BAHCC1: variants seen among roughly 807,000 people sequenced by gnomAD.
BAHCC1 encodes the protein BAH domain and coiled-coil containing 1, also known as BAH and coiled-coil domain-containing protein 1.
A neutral mutation model predicts 88.2 loss-of-function variants in BAHCC1; 43 were observed. The ratio of observed to expected loss-of-function variants is 0.49; its 90% CI spans 0.38 to 0.63. The LOEUF (loss-of-function observed/expected upper bound fraction) is 0.63. Among genes scored for constraint, BAHCC1 ranks in the 20% least tolerant of loss-of-function variants. BAHCC1 has a pLI of 0.00. For synonymous variants in BAHCC1, 1,510 were observed against 745.5 expected, an observed-to-expected ratio of 2.03 and a Z score of -16.71; for missense variants, 3,023 against 1,654.8, an observed-to-expected ratio of 1.83 and a Z score of -14.34.
chr17:81,399,610 C>A lies in BAHCC1; in HGVS notation c.-130C>A. 1.8e-6 allele frequency: 1 copy of A among 558,774 alleles called. No individual in the cohort carries two copies. The highest frequency in any genetic ancestry group is 2.0e-5 in the South Asian group (1 of 50,488). 34.6% of individuals were successfully genotyped at this position (558,774 alleles called of 1,614,324 possible). On this transcript the variant is annotated 5_prime_UTR_variant, in exon 2 of 28. Coordinates refer to ENST00000675386, the MANE Select transcript of BAHCC1 (RefSeq NM_001377448.1). This position sits in a 1 kb window ranked among gnomAD's most constrained non-coding sequence, Gnocchi z 4.5. ...AAGCCCAGTCCTCCCGCGTGCTGAC[C>A]GGCCCCGCCGCCACCACCGCCTGTG...
chr17:81,402,674 T>A (rs1420514028), intron 2 of BAHCC1: 1 of 152,274 alleles, frequency 6.6e-6, no homozygotes, highest in African/African-American at 2.4e-5. Context: ...CTGGCCTCCA[T>A]GAGGCTGCCT....
At chr17:81,410,510 G>A (rs1037078448) in intron 2 of BAHCC1, among the ~76,000 whole-genome samples, 8 of 152,344 alleles carry the variant, frequency 5.3e-5, no homozygotes, top group Admixed American at 1.3e-4. Context: ...GAAGGTGGAC[G>A]CCCACCCTCC....
chr17:81,461,106 T>C lies in BAHCC1; in HGVS notation c.6443T>C (p.Ile2148Thr). The C allele has an allele frequency of 3.9e-6, 3 of 767,222 alleles. No homozygotes were observed. The highest frequency in any genetic ancestry group is 7.2e-6 in the Non-Finnish European group (3 of 416,858). The allele number at this position is 767,222 out of a possible 1,614,324, so 47.5% of individuals were successfully genotyped here. A position where few individuals can be genotyped will look rare whatever the true frequency, so the allele number is the denominator to read the frequency against. Residue 2148 changes from isoleucine (I) to threonine (T), a missense_variant, in exon 26 of 28, where the codon ATA becomes ACA. By Grantham distance (89) the Ile-to-Thr change is moderately conservative (BLOSUM62 -1). Transcript: ENST00000675386. Reference protein sequence around the residue: ...LFPVHSVATPIFGNGFRADSF... With the variant: ...LFPVHSVATPTFGNGFRADSF... ...CCCGTGCACAGCGTGGCCACACCCA[T>C]ATTTGGCAACGGCTTCCGCGCCGAC...
chr17:81,456,947 C>T (rs1555657460), intron 16 of BAHCC1, among the ~76,000 whole-genome samples: 1 of 9,532 alleles, frequency 1.0e-4, no homozygotes, highest in Non-Finnish European at 3.8e-4. Context: ...ATCTGACCAC[C>T]CCCCCCAGCA....
rs1555654849 is a variant in BAHCC1 at position 81,447,458 on chromosome 17, T to C, written c.3586T>C (p.Ser1196Pro). The change falls in exon 11 of 28, where the codon TCA becomes CCA. Residue 1196 changes from serine (S) to proline (P), a missense_variant. Ser to Pro is a moderately conservative substitution (Grantham distance 74). Transcript: ENST00000675386. ...GGAGGAGGGGGAGCAGGGGCCCTCG[T>C]CAGGGGCCTCCTCCCAAGTCCTGGA... is the stretch of plus-strand genomic sequence containing the variant. ...SREEGEQGPS[S>P]GASSQVLEQR... 1.1e-5 allele frequency: 8 copies of C among 741,116 alleles called. No individual in the cohort carries two copies. The highest frequency in any genetic ancestry group is 2.0e-5 in the Non-Finnish European group (8 of 398,774). 45.9% of individuals were successfully genotyped at this position (741,116 alleles called of 1,614,324 possible).
At chr17:81,415,055 CT>C (rs2064002458) in intron 2 of BAHCC1, among the ~76,000 whole-genome samples, 1 of 147,994 alleles carries the variant, frequency 6.8e-6, no homozygotes, top group South Asian at 2.1e-4. Flanking sequence ...CATTGGAGCT[CT>C]GCCCTTCCCG....
intron 11 of BAHCC1, among the ~76,000 whole-genome samples, chr17:81,450,368 G>A (rs1231609295): frequency 6.6e-6 from 1 of 152,102 alleles, no homozygotes; most frequent in Non-Finnish European, 1.5e-5. Flanking sequence ...TCCCCAACCT[G>A]GGCCCGACCC....
rs782276248 is a variant in BAHCC1 at position 81,447,005 on chromosome 17, G to A, written c.3164-31G>A. 7 of 777,380 alleles carry A rather than the reference G, an allele frequency of 9.0e-6. No individual in the cohort carries two copies. In the African/African-American group the frequency reaches 1.2e-4, roughly 13 times the overall value. 48.2% of individuals were successfully genotyped at this position (777,380 alleles called of 1,614,324 possible). ...GGACACCCCCTCACCACCACTCCCA[G>A]CTCCCTGCTGACCTGTCCCCTCCTT... is the stretch of plus-strand genomic sequence containing the variant. On this transcript the variant is annotated intron_variant, in intron 10 of 27. Transcript: ENST00000675386.
chr17:81,411,162 T>C lies in BAHCC1; in HGVS notation c.178+11245T>C, dbSNP rs2063945289. ...CATCACGTGCCTGCAGGTGCCTGTG[T>C]CCTGTCTCTGCCCCAGGCTGAGGCC... is the stretch of plus-strand genomic sequence containing the variant. On this transcript the variant is annotated intron_variant, in intron 2 of 27. Transcript: ENST00000675386. The surrounding 1 kb of genome is among the most constrained non-coding windows in gnomAD (Gnocchi z 6.2). The C allele has an allele frequency of 1.9e-6, 1 of 518,816 alleles. No individual in the cohort carries two copies. Among genetic ancestry groups the C allele is most frequent in the Non-Finnish European group, 3.8e-6 (1 of 259,758 alleles). The allele number at this position is 518,816 out of a possible 1,614,324, so 32.1% of individuals were successfully genotyped here. A position where few individuals can be genotyped will look rare whatever the true frequency, so the allele number is the denominator to read the frequency against.
In BAHCC1 at chr17:81,464,807, C is replaced by T. The variant is rs1555660342; in HGVS notation, c.*990C>T. ...GGCCTCCACCCAGAGCAGGGAGGGG[C>T]TGGCCCCTCGCCCCCCTCACCCTCG... On this transcript the variant is annotated 3_prime_UTR_variant, in exon 28 of 28. Coordinates refer to ENST00000675386, the MANE Select transcript of BAHCC1 (RefSeq NM_001377448.1). 1 of 152,498 alleles carries T rather than the reference C, an allele frequency of 6.6e-6. No homozygotes were observed. The highest frequency in any genetic ancestry group is 1.5e-5 in the Non-Finnish European group (1 of 68,068). The allele number at this position is 152,498 out of a possible 1,614,324, so 9.4% of individuals were successfully genotyped here.
chr17:81,460,793 G>A, intron 25 of BAHCC1, 73 bp from the exon 26 acceptor site: 2 of 772,108 alleles, frequency 2.6e-6, no homozygotes, highest in East Asian at 2.4e-5. Context: ...GGTAGGCAGG[G>A]TCCGGGGAGG....
chr17:81,411,025 G>A lies in BAHCC1; in HGVS notation c.178+11108G>A. 1 of 516,010 alleles carries A rather than the reference G, an allele frequency of 1.9e-6. No individual in the cohort carries two copies. Among genetic ancestry groups the A allele is most frequent in the Non-Finnish European group, 3.9e-6 (1 of 258,596 alleles). The allele number at this position is 516,010 out of a possible 1,614,324, so 32.0% of individuals were successfully genotyped here. On this transcript the variant is annotated intron_variant, in intron 2 of 27. Coordinates refer to ENST00000675386, the MANE Select transcript of BAHCC1 (RefSeq NM_001377448.1). This position sits in a 1 kb window ranked among gnomAD's most constrained non-coding sequence, Gnocchi z 6.2. ...CTGGGTCTTTGTTGTCCATATGTCTGTGTGAAGGCCTGGGGCCCCCGTGCG... is the reference window on the plus strand; with the variant it reads ...CTGGGTCTTTGTTGTCCATATGTCTATGTGAAGGCCTGGGGCCCCCGTGCG...
At position 81,419,912 on chromosome 17, in the gene BAHCC1, G is replaced by A. The variant is rs536229729; in HGVS notation, c.179-6888G>A. On this transcript the variant is annotated intron_variant, in intron 2 of 27. Coordinates refer to ENST00000675386, the MANE Select transcript of BAHCC1 (RefSeq NM_001377448.1). ...TGCCGGCTCCGCGCCCGCCTCTCCC[G>A]GCTCCCGGGCCCTGCCGTCCTCTTG... Among the ~76,000 whole-genome samples the A allele has an allele frequency of 2.2e-3, 332 of 151,182 alleles. 1 individual carries two copies. Among genetic ancestry groups the A allele is most frequent in the Middle Eastern group, 0.014 (4 of 292 alleles).
In BAHCC1 at chr17:81,458,162, C is replaced by T. The variant is rs1555657864; in HGVS notation, c.5042-3C>T. 5 of 717,262 alleles carry T rather than the reference C, an allele frequency of 7.0e-6. No individual in the cohort carries two copies. Among genetic ancestry groups the T allele is most frequent in the Admixed American group, 4.0e-5 (2 of 50,088 alleles). 44.4% of individuals were successfully genotyped at this position (717,262 alleles called of 1,614,324 possible). On this transcript the variant is annotated splice_polypyrimidine_tract_variant and splice_region_variant and intron_variant, in intron 17 of 27. Transcript: ENST00000675386. ...CTGTGACGGCCTCCTCTCCTTCCCACAGGGGCCTGCCGCCTGTCCAGCCCT... is the reference window on the plus strand; with the variant it reads ...CTGTGACGGCCTCCTCTCCTTCCCATAGGGGCCTGCCGCCTGTCCAGCCCT...
intron 3 of BAHCC1, among the ~76,000 whole-genome samples, chr17:81,429,561 C>T (rs941617009): frequency 6.4e-4 from 98 of 152,204 alleles, no homozygotes; most frequent in South Asian, 3.9e-3. Flanking sequence ...GCTCCCCGTG[C>T]GCCGGGCCTG....
rs540092359 is a variant in BAHCC1 at position 81,444,491 on chromosome 17, C to T, written c.2435C>T (p.Ala812Val). ...AGCGGCCAGCTGGGCGGGGACCCAG[C>T]CCCCCACACCCACCCCCATCCCCCC... ...MQSGQLGGDP[A>V]PHTHPHPPWL... is the part of the protein sequence containing the mutation. The change falls in exon 7 of 28, where the codon GCC (alanine) becomes GTC (valine). Residue 812 changes from alanine (A) to valine (V), a missense_variant. By Grantham distance (64) the Ala-to-Val change is moderately conservative. Coordinates refer to ENST00000675386, the MANE Select transcript of BAHCC1 (RefSeq NM_001377448.1). 6 of 706,016 alleles carry T rather than the reference C, an allele frequency of 8.5e-6. No individual in the cohort carries two copies. The highest frequency in any genetic ancestry group is 1.5e-5 in the South Asian group (1 of 66,790). 43.7% of individuals were successfully genotyped at this position (706,016 alleles called of 1,614,324 possible).
At chr17:81,432,666 A>C (rs2064277665) in intron 3 of BAHCC1, among the ~76,000 whole-genome samples, 2 of 14,106 alleles carry the variant, frequency 1.4e-4, no homozygotes, top group Non-Finnish European at 2.6e-4. Flanking sequence ...CCCAGACCCC[A>C]TCCCTCCCAT....
rs781993714 is a variant in BAHCC1 at position 81,458,434 on chromosome 17, C to T, written c.5311C>T (p.Arg1771Cys). The change falls in exon 18 of 28, where the codon CGC becomes TGC. Residue 1771 changes from arginine (R) to cysteine (C), a missense_variant. By Grantham distance (180) the Arg-to-Cys change is radical (BLOSUM62 -3). Coordinates refer to ENST00000675386, the MANE Select transcript of BAHCC1 (RefSeq NM_001377448.1). ...LASERLKRATRKGTVLQPVLR... is the reference protein window; with the variant it reads ...LASERLKRATCKGTVLQPVLR... ...CAGTGAGCGCCTCAAGAGGGCCACG[C>T]GCAAGGGCACAGTGCTGCAGCCAGT... 3.0e-5 allele frequency: 22 copies of T among 737,268 alleles called. No individual in the cohort carries two copies. Among genetic ancestry groups the T allele is most frequent in the Middle Eastern group, 3.5e-4 (1 of 2,860 alleles). The allele number at this position is 737,268 out of a possible 1,614,324, so 45.7% of individuals were successfully genotyped here.
intron 3 of BAHCC1, among the ~76,000 whole-genome samples, chr17:81,433,068 G>T (rs1439343444): frequency 1.3e-5 from 2 of 150,914 alleles, no homozygotes; most frequent in Non-Finnish European, 3.0e-5. Context: ...GATGGAGCTG[G>T]CCCGGCCCGC....
Sources: gnomAD v4.1 joint callset for allele counts (sites outside exome capture counted in the v4.1 genomes callset) on GRCh38, gnomAD v4.1.1 for gene constraint, Gnocchi (gnomAD v3.1) non-coding constraint, MANE v1.5 for transcripts, NCBI Gene and HGNC (gene_info 2026-07-23, HGNC 2026-07-21) for gene names.